The following AGK variants were observed in gnomAD, a reference collection of about 807,000 sequenced individuals.
AGK encodes the protein acylglycerol kinase.
In AGK, 52 loss-of-function variants were observed where a neutral mutation model predicts 66.4. That is an observed-to-expected ratio of 0.78 (90% confidence interval 0.63 to 0.99). AGK has a LOEUF of 0.99. Among genes scored for constraint, AGK ranks in the 50% least tolerant of loss-of-function variants. AGK has a pLI of 0.00. For synonymous variants in AGK, 182 were observed against 181.1 expected, an observed-to-expected ratio of 1.00 and a Z score of -0.04; for missense variants, 451 against 506.6, an observed-to-expected ratio of 0.89 and a Z score of 1.05.
At chr7:141,591,327 A>G (rs1459099447) in intron 2 of AGK, among the ~76,000 whole-genome samples, 2 of 151,940 alleles carry the variant, frequency 1.3e-5, no homozygotes, top group Non-Finnish European at 2.9e-5. Flanking sequence ...TCCTGACCTC[A>G]AGTGATCTGC....
chr7:141,610,855 C>G (rs1157636175), intron 5 of AGK, among the ~76,000 whole-genome samples: 2 of 152,190 alleles, frequency 1.3e-5, no homozygotes, highest in Non-Finnish European at 2.9e-5. Flanking sequence ...TTTGCATGTA[C>G]ACTTGACTTC....
intron 9 of AGK, among the ~76,000 whole-genome samples, chr7:141,626,826 T>C (rs1023560843): frequency 3.9e-5 from 6 of 152,198 alleles, no homozygotes; most frequent in African/African-American, 1.4e-4. Flanking sequence ...AGAGGCAGTA[T>C]TGGAACAATT....
At chr7:141,630,432 A>C (rs1797030377) in intron 9 of AGK, among the ~76,000 whole-genome samples, 1 of 152,230 alleles carries the variant, frequency 6.6e-6, no homozygotes, top group Non-Finnish European at 1.5e-5. Flanking sequence ...ACCACAAAAA[A>C]GGATAAGTAA....
chr7:141,579,396 T>G (rs996302145), intron 2 of AGK, among the ~76,000 whole-genome samples: 1 of 151,974 alleles, frequency 6.6e-6, no homozygotes, highest in African/African-American at 2.4e-5. Context: ...GTTATTGGAC[T>G]GTATAGAGGT....
chr7:141,627,922 C>A (rs1380191214), intron 9 of AGK, among the ~76,000 whole-genome samples: 2 of 152,208 alleles, frequency 1.3e-5, no homozygotes, highest in African/African-American at 4.8e-5. Flanking sequence ...CACTCTGTCA[C>A]CCAGGCTGAA....
intron 9 of AGK, among the ~76,000 whole-genome samples, chr7:141,630,947 C>T (rs1242154790): frequency 6.6e-6 from 1 of 152,088 alleles, no homozygotes; most frequent in African/African-American, 2.4e-5. Context: ...AGTGTGTTCA[C>T]CATTGTGTCC....
chr7:141,632,439 T>C (rs1017122839), intron 9 of AGK, among the ~76,000 whole-genome samples: 10 of 152,154 alleles, frequency 6.6e-5, no homozygotes, highest in African/African-American at 2.2e-4. Context: ...GTCTTATGGG[T>C]TCATGTGTGA....
intron 2 of AGK, among the ~76,000 whole-genome samples, chr7:141,589,202 G>C (rs1167613191): frequency 3.3e-5 from 5 of 152,058 alleles, no homozygotes; most frequent in African/African-American, 1.2e-4. Flanking sequence ...TTCCTTCTCT[G>C]AGTCTTGGCT....
At chr7:141,571,961 C>A (rs919414294) in intron 2 of AGK, among the ~76,000 whole-genome samples, 1 of 152,104 alleles carries the variant, frequency 6.6e-6, no homozygotes, top group African/African-American at 2.4e-5. Context: ...TGAGTTAAGT[C>A]CTGCAGAATG....
At chr7:141,605,970 A>G (rs1171040332) in intron 5 of AGK, among the ~76,000 whole-genome samples, 1 of 152,132 alleles carries the variant, frequency 6.6e-6, no homozygotes, top group Non-Finnish European at 1.5e-5. Context: ...GTGGTTTTCA[A>G]CTCTGGCTGA....
intron 2 of AGK, among the ~76,000 whole-genome samples, chr7:141,566,650 A>T (rs1175505082): frequency 6.6e-6 from 1 of 152,146 alleles, no homozygotes; most frequent in Non-Finnish European, 1.5e-5. Flanking sequence ...AATATAAAAA[A>T]CATGGGCAGT....
intron 9 of AGK, among the ~76,000 whole-genome samples, chr7:141,629,783 C>T (rs997248068): frequency 6.6e-6 from 1 of 151,872 alleles, no homozygotes; most frequent in Non-Finnish European, 1.5e-5. Context: ...AAAAACTCTT[C>T]CCCCCGAGAT....
In AGK at chr7:141,555,540, G is replaced by T; in HGVS notation, c.74G>T (p.Gly25Val). ...TTAGLCLLTW[G>V]GHWLYGKHCD... ...GCTGGGCTCTGCCTGCTGACCTGGG[G>T]AGGCCATTGGCTCTATGGAAAACAC... The change falls in exon 2 of 16, where the codon GGA (glycine) becomes GTA (valine). Residue 25 changes from glycine (G) to valine (V), a missense_variant. By Grantham distance (109) the Gly-to-Val change is moderately radical. Transcript: ENST00000649286. The surrounding 1 kb of genome is among the most constrained non-coding windows in gnomAD (Gnocchi z 4.2). 6.2e-7 allele frequency: 1 copy of T among 1,613,998 alleles called. No individual in the cohort carries two copies. The highest frequency in any genetic ancestry group is 8.5e-7 in the Non-Finnish European group (1 of 1,179,952).
intron 2 of AGK, among the ~76,000 whole-genome samples, chr7:141,590,518 G>A (rs140432156): frequency 0.012 from 1,855 of 152,260 alleles, 47 homozygotes; most frequent in African/African-American, 0.041. Context: ...TGGACTAGGG[G>A]TCAGCACAGT....
intron 2 of AGK, among the ~76,000 whole-genome samples, chr7:141,586,873 C>G (rs956992848): frequency 6.6e-6 from 1 of 152,170 alleles, no homozygotes; most frequent in Non-Finnish European, 1.5e-5. Flanking sequence ...TGTCAACTGT[C>G]CATGATCAGG....
Position 141,611,362 on chromosome 7 carries a change from T to C in AGK, c.390+75T>C. On this transcript the variant is annotated intron_variant, in intron 6 of 15. Transcript: ENST00000649286. ...AATTAAATCCTAGAGCAATGGTATG[T>C]TGTAATTTAAAGAAATTTTTTATTT... The C allele has an allele frequency of 3.8e-6, 4 of 1,049,832 alleles. No homozygotes were observed. The South Asian group carries it at 6.8e-5, about 18-fold the overall frequency. 65.0% of individuals were successfully genotyped at this position (1,049,832 alleles called of 1,614,324 possible).
At chr7:141,646,572 AG>A (rs1472573337) in intron 13 of AGK, among the ~76,000 whole-genome samples, 1 of 152,226 alleles carries the variant, frequency 6.6e-6, no homozygotes, top group East Asian at 1.9e-4. Flanking sequence ...GCTTTAGAAC[AG>A]GGGTCAGCAA....
intron 14 of AGK, chr7:141,650,446 C>T (rs1797528197): frequency 1.1e-6 from 1 of 936,962 alleles, no homozygotes. Context: ...GCACCAGTGG[C>T]AGCCAGTGTC....
At chr7:141,582,977 GGAAA>G (rs1795913604) in intron 2 of AGK, among the ~76,000 whole-genome samples, 1 of 151,696 alleles carries the variant, frequency 6.6e-6, no homozygotes. Flanking sequence ...CAGGCAGGAG[GGAAA>G]GAAGGAAGAT....
Sources: allele counts gnomAD v4.1 joint callset (sites outside exome capture counted in the v4.1 genomes callset), GRCh38; gene constraint gnomAD v4.1.1; non-coding constraint Gnocchi (gnomAD v3.1); transcripts MANE v1.5; gene names NCBI Gene and HGNC (gene_info 2026-07-23, HGNC 2026-07-21).